RHOBTB3: variants seen among roughly 807,000 people sequenced by gnomAD.
RHOBTB3 encodes Rho related BTB domain containing 3.
In RHOBTB3, 47 loss-of-function variants were observed where a neutral mutation model predicts 67.2. The ratio of observed to expected loss-of-function variants is 0.70; its 90% CI spans 0.55 to 0.89. The LOEUF (loss-of-function observed/expected upper bound fraction) is 0.89. Among genes scored for constraint, RHOBTB3 ranks in the 40% least tolerant of loss-of-function variants. The pLI is 0.00. For synonymous variants in RHOBTB3, 273 were observed against 274.2 expected, an observed-to-expected ratio of 1.00 and a Z score of 0.04; for missense variants, 631 against 750.0, an observed-to-expected ratio of 0.84 and a Z score of 1.85.
At chr5:95,753,466 T>A (rs1430746974) in intron 5 of RHOBTB3, among the ~76,000 whole-genome samples, 1 of 152,214 alleles carries the variant, frequency 6.6e-6, no homozygotes, top group Non-Finnish European at 1.5e-5. Flanking sequence ...GTTATCAGAA[T>A]TTTCTGCATG....
intron 2 of RHOBTB3, 195 bp downstream of exon 2, chr5:95,732,279 G>GGA (rs1334803462): frequency 1.4e-5 from 9 of 625,776 alleles, no homozygotes; most frequent in Non-Finnish European, 2.3e-5. Flanking sequence ...AACACTCTTA[G>GGA]GAAGATAGAA....
intron 10 of RHOBTB3, among the ~76,000 whole-genome samples, chr5:95,785,770 A>G (rs562768506): frequency 1.3e-5 from 2 of 152,270 alleles, no homozygotes; most frequent in South Asian, 2.1e-4. Context: ...CAAGTTGTTC[A>G]TACTTTTTAA....
intron 3 of RHOBTB3, among the ~76,000 whole-genome samples, chr5:95,745,757 C>T (rs928098833): frequency 3.9e-5 from 6 of 152,004 alleles, no homozygotes; most frequent in Non-Finnish European, 7.4e-5. Flanking sequence ...GTGACCATGC[C>T]GCACCACAAT....
intron 7 of RHOBTB3, among the ~76,000 whole-genome samples, chr5:95,764,607 C>T: frequency 6.6e-6 from 1 of 152,086 alleles, no homozygotes; most frequent in Non-Finnish European, 1.5e-5. Flanking sequence ...TTGTGATAAA[C>T]AAATTGGCTG....
intron 5 of RHOBTB3, 108 bp downstream of exon 5, chr5:95,752,458 C>G (rs1745118383): frequency 1.3e-6 from 1 of 769,096 alleles, no homozygotes; most frequent in Non-Finnish European, 2.2e-6. Context: ...CAGAGCTTAC[C>G]TGACATTCTG....
intron 1 of RHOBTB3, among the ~76,000 whole-genome samples, chr5:95,721,534 T>C (rs1754876841): frequency 6.6e-6 from 1 of 152,078 alleles, no homozygotes; most frequent in South Asian, 2.1e-4. Context: ...AAACTAGTAG[T>C]ATAGCTGGAA....
chr5:95,727,405 A>G (rs1159862492), upstream of RHOBTB3, among the ~76,000 whole-genome samples: 2 of 152,226 alleles, frequency 1.3e-5, no homozygotes, highest in Non-Finnish European at 2.9e-5. Flanking sequence ...GTATATGAAT[A>G]TTCACAATTT....
At chr5:95,730,926 G>C (rs577061170), upstream of RHOBTB3, 56 of 459,798 alleles carry the variant, frequency 1.2e-4, no homozygotes, top group African/African-American at 9.0e-4. Flanking sequence ...GGCCAAGAGG[G>C]GGGGAAATCG....
intron 7 of RHOBTB3, 185 bp from the exon 8 acceptor site, chr5:95,767,861 A>G: frequency 1.4e-6 from 1 of 715,480 alleles, no homozygotes; most frequent in Non-Finnish European, 2.5e-6. Context: ...AGTGTTGTTC[A>G]CTGACAGGCA....
Position 95,758,915 on chromosome 5 carries a change from A to G in RHOBTB3, c.1048+3154A>G, listed in dbSNP as rs531700321. The stretch of plus-strand genomic sequence containing the variant: ...CCAAAACCAGCAAACTAGGGCCTAG[A>G]ATTCAGTGCAGAGGCCCAGGAAGGC... On this transcript the variant is annotated intron_variant, in intron 6 of 11. Coordinates refer to ENST00000379982, the MANE Select transcript of RHOBTB3 (RefSeq NM_014899.4). 2.6e-5 allele frequency among the ~76,000 whole-genome samples: 4 copies of G among 152,322 alleles called. No individual in the cohort carries two copies. The East Asian group carries it at 7.7e-4, about 29-fold the overall frequency.
intron 3 of RHOBTB3, among the ~76,000 whole-genome samples, chr5:95,742,087 C>G (rs529080288): frequency 2.0e-5 from 3 of 152,284 alleles, no homozygotes; most frequent in Non-Finnish European, 4.4e-5. Flanking sequence ...TATCCCAGTC[C>G]TAGAATCAGC....
intron 11 of RHOBTB3, among the ~76,000 whole-genome samples, chr5:95,791,081 T>C (rs1348952857): frequency 6.6e-6 from 1 of 152,186 alleles, no homozygotes; most frequent in Non-Finnish European, 1.5e-5. Context: ...AAGTTTCTTG[T>C]CACGGTCACT....
chr5:95,790,015 G>A (rs945930523), intron 11 of RHOBTB3, among the ~76,000 whole-genome samples: 1 of 152,134 alleles, frequency 6.6e-6, no homozygotes, highest in African/African-American at 2.4e-5. Flanking sequence ...AAAATCTCTT[G>A]TTTTTATTCA....
chr5:95,769,161 G>A (rs1005521089), intron 8 of RHOBTB3: 6 of 352,218 alleles, frequency 1.7e-5, no homozygotes, highest in Admixed American at 3.0e-5. Context: ...CAGTGGGGCC[G>A]AAGGGAAGAA....
chr5:95,792,226 T>A (rs1746417348), intron 11 of RHOBTB3, among the ~76,000 whole-genome samples: 1 of 151,810 alleles, frequency 6.6e-6, no homozygotes, highest in African/African-American at 2.4e-5. Context: ...CTAAGTATTA[T>A]ACCAAAAAAA....
rs556540162 is a variant in RHOBTB3 at position 95,752,917 on chromosome 5, G to A, written c.682+567G>A. On this transcript the variant is annotated intron_variant, in intron 5 of 11. Transcript: ENST00000379982. Reference sequence around the variant, plus strand: ...GAGGCCGAGGTGGGAGGATCACAAGGTCAGGAGATCGAGACCATCCTGGCT... The same window carrying A: ...GAGGCCGAGGTGGGAGGATCACAAGATCAGGAGATCGAGACCATCCTGGCT... Among the ~76,000 whole-genome samples the A allele has an allele frequency of 2.6e-5, 4 of 152,226 alleles. No homozygotes were observed. The East Asian group carries it at 7.7e-4, about 29-fold the overall frequency.
At chr5:95,740,711 A>G (rs1755570199) in intron 3 of RHOBTB3, among the ~76,000 whole-genome samples, 1 of 152,226 alleles carries the variant, frequency 6.6e-6, no homozygotes, top group East Asian at 1.9e-4. Flanking sequence ...TTCTCTCAGA[A>G]TAGTTATCCT....
Position 95,748,298 on chromosome 5 carries a change from T to C in RHOBTB3, c.416-35T>C, listed in dbSNP as rs745381794. 75 of 1,543,336 alleles carry C rather than the reference T, an allele frequency of 4.9e-5. No homozygotes were observed. In the Middle Eastern group the frequency reaches 5.2e-4, roughly 11 times the overall value. Reference sequence around the variant, plus strand: ...GTGTACCTTTTTTTTCCTGTTTAATTTCGAAACTCTTTGTTTTAAAATTTG... The same window carrying C: ...GTGTACCTTTTTTTTCCTGTTTAATCTCGAAACTCTTTGTTTTAAAATTTG... On this transcript the variant is annotated intron_variant, in intron 3 of 11. Coordinates refer to ENST00000379982, the MANE Select transcript of RHOBTB3 (RefSeq NM_014899.4).
At chr5:95,747,329 C>A (rs532830349) in intron 3 of RHOBTB3, among the ~76,000 whole-genome samples, 1 of 152,208 alleles carries the variant, frequency 6.6e-6, no homozygotes, top group Non-Finnish European at 1.5e-5. Context: ...TACCCAGTCC[C>A]GCATTCCTCA....
Sources: gnomAD v4.1 joint callset for allele counts (sites outside exome capture counted in the v4.1 genomes callset) on GRCh38, gnomAD v4.1.1 for gene constraint, MANE v1.5 for transcripts, NCBI Gene and HGNC (gene_info 2026-07-23, HGNC 2026-07-21) for gene names.